The following SEPTIN7 variants were observed in gnomAD, a reference collection of about 807,000 sequenced individuals.
SEPTIN7 encodes septin-7.
In SEPTIN7, 10 loss-of-function variants were observed where a neutral mutation model predicts 63.3. The observed-to-expected ratio is 0.16, with a 90% confidence interval of 0.10 to 0.27. SEPTIN7 has a LOEUF of 0.27. SEPTIN7 is among the 10% of genes least tolerant of loss of function. The probability of loss-of-function intolerance (pLI) is 1.00; values close to 1 mark genes in which losing one functional copy is unlikely to be tolerated. For missense variants in SEPTIN7, 310 were observed against 521.0 expected (o/e 0.59, Z 3.94); for synonymous variants, 131 against 165.3 (o/e 0.79, Z 1.59).
chr7:35,832,364 A>G (rs970435339), intron 2 of SEPTIN7, among the ~76,000 whole-genome samples: 3 of 152,094 alleles, frequency 2.0e-5, no homozygotes, highest in South Asian at 2.1e-4. Flanking sequence ...AATTTCAAGA[A>G]TCTCATGCCT....
In SEPTIN7 at chr7:35,906,364, T is replaced by C. The variant is rs1251780346; in HGVS notation, c.*2071T>C. 1 of 152,210 alleles carries C rather than the reference T, an allele frequency of 6.6e-6. No individual in the cohort carries two copies. Among genetic ancestry groups the C allele is most frequent in the Non-Finnish European group, 1.5e-5 (1 of 68,038 alleles). 9.4% of individuals were successfully genotyped at this position (152,210 alleles called of 1,614,324 possible). On this transcript the variant is annotated 3_prime_UTR_variant, in exon 14 of 14. Coordinates refer to ENST00000350320, the MANE Select transcript of SEPTIN7 (RefSeq NM_001788.6). ...GGACTTTTGATTGTTGACTCCAGGC[T>C]TAGGTATATCAGAAGGTTCTTTTTG...
chr7:35,821,777 A>ATTATTT (rs1179261901), intron 1 of SEPTIN7, among the ~76,000 whole-genome samples: 189 of 152,056 alleles, frequency 1.2e-3, no homozygotes, highest in African/African-American at 4.5e-3. Context: ...TACTCACTTT[A>ATTATTT]TTATTTTTAT....
At chr7:35,883,826 T>A (rs768423849) in intron 8 of SEPTIN7, 65 bp from the exon 9 acceptor site, 11 of 1,005,172 alleles carry the variant, frequency 1.1e-5, no homozygotes, top group Non-Finnish European at 1.6e-5. Context: ...TAATGTAACT[T>A]TTTTTATTTT....
At chr7:35,912,868 A>C in the SEPTIN7 span, among the ~76,000 whole-genome samples, 1 of 152,248 alleles carries the variant, frequency 6.6e-6, no homozygotes, top group Non-Finnish European at 1.5e-5. Context: ...GAATTGCTAC[A>C]CGCCAAACAC....
At chr7:35,848,954 A>G (rs1784825409) in intron 3 of SEPTIN7, among the ~76,000 whole-genome samples, 1 of 152,228 alleles carries the variant, frequency 6.6e-6, no homozygotes, top group African/African-American at 2.4e-5. Context: ...GAATTGGCAA[A>G]TGAGGTAATT....
At chr7:35,856,766 G>T (rs1785234874) in intron 3 of SEPTIN7, among the ~76,000 whole-genome samples, 3 of 152,226 alleles carry the variant, frequency 2.0e-5, no homozygotes, top group Middle Eastern at 3.4e-3. Flanking sequence ...GATGGTCTTG[G>T]TTACTTTCCT....
downstream of SEPTIN7, among the ~76,000 whole-genome samples, chr7:35,909,035 T>C (rs1377272952): frequency 6.6e-6 from 1 of 152,188 alleles, no homozygotes; most frequent in Non-Finnish European, 1.5e-5. Context: ...TAATGAGCAC[T>C]CTGGCATGGC....
chr7:35,899,627 A>T (rs1788187085), intron 12 of SEPTIN7: 1 of 152,308 alleles, frequency 6.6e-6, no homozygotes, highest in Non-Finnish European at 1.5e-5. Flanking sequence ...TCACATCTGT[A>T]ATCCCAGCAG....
intron 11 of SEPTIN7, among the ~76,000 whole-genome samples, chr7:35,891,707 C>G (rs1787655576): frequency 6.6e-6 from 1 of 152,168 alleles, no homozygotes; most frequent in South Asian, 2.1e-4. Flanking sequence ...TTTATGAACA[C>G]TGTACACTTA....
chr7:35,822,964 C>CT (rs1269876994), intron 1 of SEPTIN7, among the ~76,000 whole-genome samples: 1 of 152,184 alleles, frequency 6.6e-6, no homozygotes, highest in Non-Finnish European at 1.5e-5. Context: ...GTGTAAGACA[C>CT]TTTCAGTAAG....
At chr7:35,898,499 C>CTAATTTTTT (rs1788091365) in intron 12 of SEPTIN7, 116 bp downstream of exon 12, 4 of 622,998 alleles carry the variant, frequency 6.4e-6, no homozygotes, top group Non-Finnish European at 1.1e-5. Context: ...AAAATTAATA[C>CTAATTTTTT]CCTAGTGTAA....
rs768115026 is a variant in SEPTIN7, at chr7:35,904,309, C to G, written c.*16C>G. The G allele has an allele frequency of 9.0e-6, 14 of 1,549,450 alleles. No homozygotes were observed. In the South Asian group the frequency reaches 1.6e-4, roughly 18 times the overall value. On this transcript the variant is annotated 3_prime_UTR_variant, in exon 14 of 14. Coordinates refer to ENST00000350320, the MANE Select transcript of SEPTIN7 (RefSeq NM_001788.6). ...GATCTTTTAAACTCTCTATTGACCA[C>G]CAGTTAACGTATTAGTTGCCAATAT...
chr7:35,879,751 G>C, intron 6 of SEPTIN7, 72 bp from the exon 7 acceptor site: 1 of 816,440 alleles, frequency 1.2e-6, no homozygotes, highest in South Asian at 1.5e-5. Context: ...TATTTAACTA[G>C]CATTGGGGAT....
At chr7:35,902,203 A>T (rs1203536839) in intron 12 of SEPTIN7, 2 of 151,972 alleles carry the variant, frequency 1.3e-5, no homozygotes, top group East Asian at 3.8e-4. Flanking sequence ...TCTGATTTTT[A>T]AAATTTGTTG....
intron 3 of SEPTIN7, among the ~76,000 whole-genome samples, chr7:35,834,967 ATTT>A (rs141753926): frequency 6.7e-6 from 1 of 150,338 alleles, no homozygotes; most frequent in Admixed American, 6.6e-5. Flanking sequence ...TCTGTAACAG[ATTT>A]TTTTTTTATT....
chr7:35,861,845 C>T (rs1785529414), intron 3 of SEPTIN7, among the ~76,000 whole-genome samples: 1 of 152,152 alleles, frequency 6.6e-6, no homozygotes, highest in African/African-American at 2.4e-5. Context: ...GGTTTGCTGC[C>T]TCCTTGAGAC....
At chr7:35,806,853 C>T (rs1290377631) in intron 1 of SEPTIN7, among the ~76,000 whole-genome samples, 1 of 152,120 alleles carries the variant, frequency 6.6e-6, no homozygotes, top group African/African-American at 2.4e-5. Context: ...ATAAAATGAA[C>T]GTCATGGTGT....
chr7:35,850,962 A>G (rs1030405336), intron 3 of SEPTIN7, among the ~76,000 whole-genome samples: 8 of 152,174 alleles, frequency 5.3e-5, no homozygotes, highest in African/African-American at 1.9e-4. Context: ...TTAAAGCAGG[A>G]CTTCTCAGAT....
chr7:35,907,335 T>G (rs1216240511), downstream of SEPTIN7, among the ~76,000 whole-genome samples: 1 of 152,196 alleles, frequency 6.6e-6, no homozygotes, highest in Non-Finnish European at 1.5e-5. Flanking sequence ...TACCTGCCCC[T>G]TTTGTAATAA....
Sources: allele counts gnomAD v4.1 joint callset (sites outside exome capture counted in the v4.1 genomes callset), GRCh38; gene constraint gnomAD v4.1.1; transcripts MANE v1.5; gene names NCBI Gene and HGNC (gene_info 2026-07-23, HGNC 2026-07-21).